DACH2: variants seen among roughly 807,000 people sequenced by gnomAD.
DACH2 encodes the protein dachshund family transcription factor 2, also known as dachshund homolog 2.
In DACH2, 17 loss-of-function variants were observed where a neutral mutation model predicts 35.8. That is an observed-to-expected ratio of 0.48 (90% confidence interval 0.33 to 0.71). The LOEUF (loss-of-function observed/expected upper bound fraction) is 0.71, where lower values mean the gene tolerates loss of function less well. Among genes scored for constraint, DACH2 ranks in the 30% least tolerant of loss-of-function variants. The pLI, the probability that DACH2 is intolerant of heterozygous loss-of-function variation, is 0.02. For synonymous variants in DACH2, 195 were observed against 177.3 expected, an observed-to-expected ratio of 1.10 and a Z score of -0.79; for missense variants, 469 against 472.7, an observed-to-expected ratio of 0.99 and a Z score of 0.07.
intron 5 of DACH2, among the ~76,000 whole-genome samples, chrX:86,710,844 G>A (rs1164768746): frequency 8.9e-6 from 1 of 111,878 alleles, no homozygotes; most frequent in Non-Finnish European, 1.9e-5. Context: ...AAAAGCAAAT[G>A]AAAAGCCACA....
intron 7 of DACH2, among the ~76,000 whole-genome samples, chrX:86,777,422 GT>G (rs775588077): frequency 8.1e-4 from 90 of 111,024 alleles, no homozygotes; most frequent in African/African-American, 2.8e-3. Context: ...AGAGAAGAGG[GT>G]TATCAGTGGT....
chrX:86,781,810 C>T (rs1354678281), intron 7 of DACH2, among the ~76,000 whole-genome samples: 1 of 111,807 alleles, frequency 8.9e-6, no homozygotes, highest in African/African-American at 3.3e-5. Context: ...TGTTACTCAA[C>T]ATGGTACTGG....
intron 2 of DACH2, among the ~76,000 whole-genome samples, chrX:86,472,130 T>C (rs1202820213): frequency 8.9e-6 from 1 of 112,109 alleles, no homozygotes; most frequent in African/African-American, 3.2e-5. Flanking sequence ...ACACTGGAAA[T>C]AGCAAGGGCT....
chrX:86,157,188 G>C (rs989668084), intron 1 of DACH2, among the ~76,000 whole-genome samples: 4 of 111,183 alleles, frequency 3.6e-5, no homozygotes, highest in African/African-American at 1.3e-4. Flanking sequence ...TATTTTTATT[G>C]CTATATAATA....
intron 1 of DACH2, among the ~76,000 whole-genome samples, chrX:86,253,648 C>T (rs1033548501): frequency 7.2e-5 from 8 of 111,514 alleles, no homozygotes; most frequent in African/African-American, 1.3e-4. Flanking sequence ...CTTGGTATAA[C>T]GTGTGACTCC....
chrX:86,492,109 C>T (rs949649154), intron 2 of DACH2, among the ~76,000 whole-genome samples: 1 of 111,143 alleles, frequency 9.0e-6, no homozygotes, highest in African/African-American at 3.3e-5. Flanking sequence ...TCTGTGACTG[C>T]TTTATTTCAT....
In DACH2 at chrX:86,514,347, A is replaced by G. The variant is rs745723106; in HGVS notation, c.596A>G (p.His199Arg). Residue 199 changes from histidine (H) to arginine (R), a missense_variant, in exon 3 of 12, where the codon CAT becomes CGT. Physicochemically the swap from His to Arg is conservative, Grantham distance 29 (BLOSUM62 0). Transcript: ENST00000373125. ...VLQENARLLT[H>R]AVPGLLSPGL... ...CAGGAAAATGCCCGCCTTCTGACCC[A>G]TGCAGTCCCAGGCCTCTTATCGCCA... 3 of 1,211,141 alleles carry G rather than the reference A, an allele frequency of 2.5e-6. No homozygotes were observed. In the Admixed American group the frequency reaches 6.5e-5, roughly 26 times the overall value.
intron 6 of DACH2, among the ~76,000 whole-genome samples, chrX:86,716,870 T>C (rs1002887602): frequency 2.6e-4 from 29 of 112,099 alleles, no homozygotes; most frequent in Non-Finnish European, 4.3e-4. Context: ...ATTAGTCTAT[T>C]TCATATGCAA....
intron 4 of DACH2, 85 bp from the exon 5 acceptor site, chrX:86,694,936 A>G: frequency 2.8e-6 from 2 of 714,476 alleles, no homozygotes; most frequent in Admixed American, 9.5e-5. Context: ...GGTAGTATTC[A>G]TGATTACAGC....
chrX:86,176,671 C>G (rs2031314846), intron 1 of DACH2, among the ~76,000 whole-genome samples: 1 of 111,654 alleles, frequency 9.0e-6, no homozygotes, highest in Admixed American at 9.5e-5. Flanking sequence ...CAAACTAATC[C>G]ACATTCACCA....
intron 2 of DACH2, among the ~76,000 whole-genome samples, chrX:86,499,388 G>C (rs1216767214): frequency 9.0e-6 from 1 of 111,433 alleles, no homozygotes; most frequent in Non-Finnish European, 1.9e-5. Context: ...AGGAAAAACT[G>C]ATCAGTATGG....
chrX:86,205,429 CCCT>C (rs1305679410), intron 1 of DACH2, among the ~76,000 whole-genome samples: 2,022 of 52,432 alleles, frequency 0.039, 173 homozygotes, highest in African/African-American at 0.16. Context: ...TTCCTTCCCT[CCCT>C]CCTCCCTCCC....
chrX:86,317,451 C>T (rs186918547), intron 1 of DACH2, among the ~76,000 whole-genome samples: 10 of 112,097 alleles, frequency 8.9e-5, no homozygotes, highest in African/African-American at 2.9e-4. Flanking sequence ...TTGTGGTTGG[C>T]TCACAGGAAT....
chrX:86,343,044 C>A (rs1287527726), intron 1 of DACH2, among the ~76,000 whole-genome samples: 2 of 111,698 alleles, frequency 1.8e-5, no homozygotes, highest in Non-Finnish European at 3.8e-5. Flanking sequence ...TAGTAGACTG[C>A]AGTATAGTGT....
At chrX:86,797,385 A>G (rs1164774553) in intron 7 of DACH2, among the ~76,000 whole-genome samples, 2 of 111,030 alleles carry the variant, frequency 1.8e-5, no homozygotes, top group African/African-American at 6.5e-5. Context: ...ACCCAGCCTC[A>G]GCATAGACAT....
intron 3 of DACH2, among the ~76,000 whole-genome samples, chrX:86,552,044 A>G (rs760443803): frequency 8.9e-6 from 1 of 112,024 alleles, no homozygotes; most frequent in East Asian, 2.8e-4. Flanking sequence ...TTTGAAAAAT[A>G]AACTATACAG....
chrX:86,824,179 A>G (rs2042540617), intron 11 of DACH2, among the ~76,000 whole-genome samples: 1 of 110,648 alleles, frequency 9.0e-6, no homozygotes, highest in African/African-American at 3.3e-5. Context: ...ACCGCATAAG[A>G]CGGACACTCC....
intron 3 of DACH2, among the ~76,000 whole-genome samples, chrX:86,629,248 C>T (rs1462069215): frequency 9.0e-6 from 1 of 111,135 alleles, no homozygotes; most frequent in Non-Finnish European, 1.9e-5. Context: ...GTTTTGTCGC[C>T]TCTAGTCCAT....
At chrX:86,594,458 A>G (rs755381450) in intron 3 of DACH2, among the ~76,000 whole-genome samples, 1 of 112,082 alleles carries the variant, frequency 8.9e-6, no homozygotes, top group South Asian at 3.7e-4. Flanking sequence ...ATACATGCTG[A>G]TCTACAAGTT....
Sources: gnomAD v4.1 joint callset for allele counts (sites outside exome capture counted in the v4.1 genomes callset) on GRCh38, gnomAD v4.1.1 for gene constraint, MANE v1.5 for transcripts, NCBI Gene and HGNC (gene_info 2026-07-23, HGNC 2026-07-21) for gene names.